The following ACACA variants were observed in gnomAD, a reference collection of about 807,000 sequenced individuals.
The protein encoded by ACACA is acetyl-CoA carboxylase alpha, also known as acetyl-CoA carboxylase 1.
In ACACA, 103 loss-of-function variants were observed where a neutral mutation model predicts 296.1. The observed-to-expected ratio is 0.35, with a 90% CI of 0.30 to 0.41. The LOEUF (loss-of-function observed/expected upper bound fraction) is 0.41. Among genes scored for constraint, ACACA ranks in the 10% least tolerant of loss-of-function variants. ACACA has a pLI of 1.00. For synonymous variants in ACACA, 953 were observed against 1,038.6 expected, an observed-to-expected ratio of 0.92 and a Z score of 1.58; for missense variants, 1,554 against 2,989.7, an observed-to-expected ratio of 0.52 and a Z score of 11.20.
chr17:37,307,581 C>T (rs1054254885), intron 3 of ACACA, among the ~76,000 whole-genome samples: 5 of 151,740 alleles, frequency 3.3e-5, no homozygotes, highest in African/African-American at 1.2e-4. Context: ...TGTCTTTTTT[C>T]TTATTGTTTT....
At chr17:37,390,044 G>C (rs2050724381) in intron 1 of ACACA, among the ~76,000 whole-genome samples, 1 of 141,784 alleles carries the variant, frequency 7.1e-6, no homozygotes, top group Admixed American at 7.5e-5. Flanking sequence ...CCAGTGCTTT[G>C]GGAGGCAGAG....
intron 42 of ACACA, among the ~76,000 whole-genome samples, chr17:37,159,531 T>C (rs977865009): frequency 4.6e-5 from 7 of 152,224 alleles, no homozygotes; most frequent in Non-Finnish European, 8.8e-5. Context: ...TTGAAATGTA[T>C]AACTCAGTAG....
At chr17:37,103,259 G>T (rs1355367829) in intron 52 of ACACA, among the ~76,000 whole-genome samples, 1 of 152,068 alleles carries the variant, frequency 6.6e-6, no homozygotes, top group Non-Finnish European at 1.5e-5. Context: ...AAAGATTTTT[G>T]ACTTCTGAAC....
At chr17:37,236,017 A>T (rs1056663741) in intron 24 of ACACA, among the ~76,000 whole-genome samples, 2 of 152,212 alleles carry the variant, frequency 1.3e-5, no homozygotes, top group African/African-American at 4.8e-5. Flanking sequence ...TTAGTGTTTG[A>T]ATATTCTCAA....
At chr17:37,169,606 T>C (rs141498878) in intron 41 of ACACA, among the ~76,000 whole-genome samples, 101 of 152,336 alleles carry the variant, frequency 6.6e-4, no homozygotes, top group Non-Finnish European at 1.0e-3. Context: ...CTATCTATAT[T>C]ATATACATAA....
intron 45 of ACACA, chr17:37,143,675 C>A: frequency 1.1e-6 from 1 of 888,606 alleles, no homozygotes; most frequent in Non-Finnish European, 1.8e-6. Context: ...TGTGCTAGAA[C>A]CAACTTATTC....
intron 41 of ACACA, chr17:37,162,501 G>C (rs993446714): frequency 3.5e-6 from 1 of 289,304 alleles, no homozygotes; most frequent in Non-Finnish European, 6.7e-6. Flanking sequence ...TTGGGTCATG[G>C]GGTGGATCCC....
At chr17:37,332,499 G>A (rs559464689) in intron 2 of ACACA, among the ~76,000 whole-genome samples, 30 of 151,764 alleles carry the variant, frequency 2.0e-4, no homozygotes, top group Admixed American at 1.1e-3. Context: ...GCCTGGGCGC[G>A]GTGGCTCACG....
intron 1 of ACACA, chr17:37,379,096 A>G: frequency 6.3e-7 from 1 of 1,580,496 alleles, no homozygotes; most frequent in South Asian, 1.2e-5. Context: ...AACAAAAAAC[A>G]AAACCAGCTC....
intron 27 of ACACA, 28 bp from the exon 28 acceptor site, chr17:37,223,629 C>G (rs1414896906): frequency 6.7e-7 from 1 of 1,492,720 alleles, no homozygotes; most frequent in East Asian, 2.3e-5. Flanking sequence ...AGGCTTAAGC[C>G]TTACATCAAA....
At chr17:37,176,648 G>A (rs925059566) in intron 41 of ACACA, among the ~76,000 whole-genome samples, 44 of 152,148 alleles carry the variant, frequency 2.9e-4, no homozygotes, top group African/African-American at 9.9e-4. Flanking sequence ...GGCTCAGCAC[G>A]AGGAAATACA....
At chr17:37,266,511 G>C (rs2081786060) in intron 10 of ACACA, among the ~76,000 whole-genome samples, 1 of 151,482 alleles carries the variant, frequency 6.6e-6, no homozygotes, top group African/African-American at 2.4e-5. Context: ...CTAGCTGAAA[G>C]GGTAATTTAT....
intron 33 of ACACA, among the ~76,000 whole-genome samples, chr17:37,201,511 GC>G (rs1313536741): frequency 1.3e-5 from 2 of 150,974 alleles, no homozygotes; most frequent in Non-Finnish European, 3.0e-5. Flanking sequence ...TGGACCTAAA[GC>G]CTTCCTCTTC....
At chr17:37,200,266 A>C in intron 34 of ACACA, 83 bp from the exon 35 acceptor site, 1 of 1,395,660 alleles carries the variant, frequency 7.2e-7, no homozygotes, top group Non-Finnish European at 1.0e-6. Flanking sequence ...TGAGTAAAAG[A>C]TGATGAGTTA....
chr17:37,406,519 C>A lies in ACACA; in HGVS notation c.-220G>T, dbSNP rs2051517058. The stretch of plus-strand genomic sequence containing the variant: ...GGCCCAGTTCCCTCAGCCTCAATTT[C>A]CCTTGCTGCAACAGGGGTGGAGATG... On this transcript the variant is annotated 5_prime_UTR_variant, in exon 1 of 56. Transcript: ENST00000616317. The A allele has an allele frequency of 1.6e-6, 1 of 623,904 alleles. No homozygotes were observed. The highest frequency in any genetic ancestry group is 2.8e-6 in the Non-Finnish European group (1 of 351,500). 38.6% of individuals were successfully genotyped at this position (623,904 alleles called of 1,614,324 possible). A position where few individuals can be genotyped will look rare whatever the true frequency, so the allele number is the denominator to read the frequency against.
chr17:37,381,573 C>T (rs558844869), intron 1 of ACACA, among the ~76,000 whole-genome samples: 2 of 151,530 alleles, frequency 1.3e-5, no homozygotes, highest in East Asian at 1.9e-4. Flanking sequence ...TTTATATTTG[C>T]CTCATTCTTT....
rs1172893764 is a variant in ACACA, at chr17:37,246,879, T to C, written c.2407A>G (p.Ile803Val). ...AACACATGACCTCCATCTTCTACAA[T>C]GTACTGGATTAACTTCCCAGCAGAA... ...SPSAGKLIQY[I>V]VEDGGHVFAG... The change falls in exon 19 of 56, where the codon ATT becomes GTT. Residue 803 changes from isoleucine (I) to valine (V), a missense_variant. This residue lies in a region of ACACA where 316 missense variants were observed against 540.9 expected (regional missense o/e 0.58). Transcript: ENST00000616317. 3.7e-6 allele frequency: 6 copies of C among 1,613,990 alleles called. No individual in the cohort carries two copies. The highest frequency in any genetic ancestry group is 5.1e-6 in the Non-Finnish European group (6 of 1,180,030).
At chr17:37,382,602 C>CT (rs1250856807) in intron 1 of ACACA, among the ~76,000 whole-genome samples, 1 of 152,170 alleles carries the variant, frequency 6.6e-6, no homozygotes, top group Non-Finnish European at 1.5e-5. Context: ...TGGCTCACGC[C>CT]TGTAATCCCA....
At position 37,257,882 on chromosome 17, in the gene ACACA, G is replaced by A. The variant is rs190325922; in HGVS notation, c.1663-16C>T. 1.2e-6 allele frequency: 2 copies of A among 1,613,262 alleles called. No individual in the cohort carries two copies. The highest frequency in any genetic ancestry group is 1.7e-6 in the Non-Finnish European group (2 of 1,179,452). Reference sequence around the variant, plus strand: ...GCTTAAAACCCTGTTAGAGAATAAAGAATGAGAGACCATATTATGTTTCGA... The same window carrying A: ...GCTTAAAACCCTGTTAGAGAATAAAAAATGAGAGACCATATTATGTTTCGA... On this transcript the variant is annotated splice_polypyrimidine_tract_variant and intron_variant, in intron 13 of 55. Transcript: ENST00000616317.
Sources: gnomAD v4.1 joint callset for allele counts (sites outside exome capture counted in the v4.1 genomes callset) on GRCh38, gnomAD v4.1.1 for gene constraint, gnomAD v4.1.1 regional missense constraint, MANE v1.5 for transcripts, NCBI Gene and HGNC (gene_info 2026-07-23, HGNC 2026-07-21) for gene names.